Variants in STK35 observed in about 807,000 individuals in gnomAD.
The protein encoded by STK35 is serine/threonine-protein kinase 35.
STK35 carries 17 observed loss-of-function variants against 37.3 expected under a neutral mutation model. The ratio of observed to expected loss-of-function variants is 0.46; its 90% confidence interval spans 0.31 to 0.68. The LOEUF is 0.68. Among genes scored for constraint, STK35 ranks in the 30% least tolerant of loss-of-function variants. The probability of loss-of-function intolerance (pLI) is 0.05; values close to 1 mark genes in which losing one functional copy is unlikely to be tolerated. For synonymous variants in STK35, 385 were observed against 319.1 expected (o/e 1.21, Z -2.20); for missense variants, 595 against 746.7 (o/e 0.80, Z 2.37).
chr20:2,115,897 C>T (rs192355301), intron 2 of STK35, among the ~76,000 whole-genome samples: 1 of 152,000 alleles, frequency 6.6e-6, no homozygotes, highest in East Asian at 1.9e-4. Context: ...CCACTCCTGC[C>T]CCCCCCTTCA....
At chr20:2,126,790 A>G (rs1985914128) in intron 3 of STK35, among the ~76,000 whole-genome samples, 1 of 152,224 alleles carries the variant, frequency 6.6e-6, no homozygotes, top group African/African-American at 2.4e-5. Flanking sequence ...TGAATTTCCC[A>G]ACTTTTAAAG....
chr20:2,141,334 C>G (rs1250139405), intron 3 of STK35, among the ~76,000 whole-genome samples: 1 of 152,172 alleles, frequency 6.6e-6, no homozygotes, highest in Non-Finnish European at 1.5e-5. Context: ...GGAACAGAAG[C>G]AGCAGAGTGA....
intron 1 of STK35, among the ~76,000 whole-genome samples, 186 bp from the exon 2 acceptor site, chr20:2,102,582 T>C (rs928997760): frequency 2.0e-5 from 3 of 152,258 alleles, no homozygotes; most frequent in African/African-American, 7.2e-5. Context: ...GTTCCCCCTC[T>C]GAGCTGCTGC....
In STK35 at chr20:2,102,435, C is replaced by A. The variant is rs562454714; in HGVS notation, c.294+260C>A. On this transcript the variant is annotated intron_variant, in intron 1 of 3. Coordinates refer to ENST00000381482, the MANE Select transcript of STK35 (RefSeq NM_080836.4). ...GAGGAGCGTCACAGAGGGGGCCAAG[C>A]AAAGAAAAATATTTCCGCCGGCCAA... Among the ~76,000 whole-genome samples, 7 of 152,308 alleles carry A rather than the reference C, an allele frequency of 4.6e-5. No homozygotes were observed. In the East Asian group the frequency reaches 1.4e-3, roughly 29 times the overall value.
At chr20:2,125,304 G>T (rs1255905987) in intron 3 of STK35, among the ~76,000 whole-genome samples, 2 of 152,224 alleles carry the variant, frequency 1.3e-5, no homozygotes, top group East Asian at 1.9e-4. Context: ...ACTTGTGCAG[G>T]GCAGAGACCC....
In STK35 at chr20:2,102,133, AG is replaced by A; in HGVS notation, c.258del (p.Lys87AsnfsTer78). The stretch of plus-strand genomic sequence containing the variant: ...CGGACCATCCCCAGGCAGGGGCTCC[AG>A]GGGGGAAACGGGCCGCCCGGAAGTG... ...GADHPQAGAPGGKRAARKWRC... is the reference protein window; with the variant it reads ...GADHPQAGAPXGKRAARKWRC... On this transcript the variant is annotated frameshift_variant, in exon 1 of 4. Coordinates refer to ENST00000381482, the MANE Select transcript of STK35 (RefSeq NM_080836.4). LOFTEE classifies it high-confidence loss of function. 2.1e-6 allele frequency: 3 copies of A among 1,401,064 alleles called. No homozygotes were observed. Among genetic ancestry groups the A allele is most frequent in the South Asian group, 1.5e-5 (1 of 68,672 alleles). 86.8% of individuals were successfully genotyped at this position (1,401,064 alleles called of 1,614,324 possible). A position where few individuals can be genotyped will look rare whatever the true frequency, so the allele number is the denominator to read the frequency against.
chr20:2,102,234 C>G, intron 1 of STK35, 59 bp downstream of exon 1: 2 of 1,380,562 alleles, frequency 1.4e-6, no homozygotes, highest in Non-Finnish European at 1.9e-6. Context: ...CTGCCACTGC[C>G]TCCGCGCTTG....
At chr20:2,132,485 G>A (rs1986016899) in intron 3 of STK35, among the ~76,000 whole-genome samples, 1 of 152,248 alleles carries the variant, frequency 6.6e-6, no homozygotes, top group Non-Finnish European at 1.5e-5. Context: ...ATGCCAGCCT[G>A]AGGAGAATGA....
chr20:2,140,914 G>A (rs1986162082), intron 3 of STK35, among the ~76,000 whole-genome samples: 1 of 152,174 alleles, frequency 6.6e-6, no homozygotes, highest in Admixed American at 6.5e-5. Context: ...CTGCCTCCTT[G>A]CCAACACTGC....
At chr20:2,114,516 G>T (rs1184196725) in intron 2 of STK35, among the ~76,000 whole-genome samples, 1 of 152,086 alleles carries the variant, frequency 6.6e-6, no homozygotes, top group East Asian at 1.9e-4. Context: ...CATACCCACT[G>T]TTACTGGGTG....
chr20:2,102,465 C>T (rs544692342), intron 1 of STK35, among the ~76,000 whole-genome samples: 4 of 152,364 alleles, frequency 2.6e-5, no homozygotes, highest in African/African-American at 9.6e-5. Flanking sequence ...GGCCAAATCG[C>T]GTCTCTAAGC....
At chr20:2,109,744 T>C (rs1985582889) in intron 2 of STK35, among the ~76,000 whole-genome samples, 1 of 152,242 alleles carries the variant, frequency 6.6e-6, no homozygotes, top group African/African-American at 2.4e-5. Context: ...TATGTCACAG[T>C]TAAGCCTTAG....
intron 3 of STK35, among the ~76,000 whole-genome samples, chr20:2,124,538 C>G (rs1231861393): frequency 1.3e-5 from 2 of 152,128 alleles, no homozygotes; most frequent in Non-Finnish European, 2.9e-5. Flanking sequence ...GGTGGTATCT[C>G]TTGATGATGA....
At chr20:2,133,920 C>T (rs1986040712) in intron 3 of STK35, among the ~76,000 whole-genome samples, 1 of 152,182 alleles carries the variant, frequency 6.6e-6, no homozygotes, top group Admixed American at 6.5e-5. Context: ...CGGCTTTAAG[C>T]TTTGTTCAGA....
intron 3 of STK35, among the ~76,000 whole-genome samples, chr20:2,122,370 C>T (rs1002945113): frequency 1.3e-5 from 2 of 152,164 alleles, no homozygotes; most frequent in African/African-American, 2.4e-5. Context: ...AGTAAACACA[C>T]TTGACCCCTA....
intron 2 of STK35, among the ~76,000 whole-genome samples, chr20:2,105,817 T>A (rs1985504992): frequency 6.6e-6 from 1 of 152,226 alleles, no homozygotes; most frequent in South Asian, 2.1e-4. Flanking sequence ...CACACCTTGT[T>A]TTCTGTGTTG....
chr20:2,127,431 A>G (rs1385201038), intron 3 of STK35, among the ~76,000 whole-genome samples: 1 of 152,100 alleles, frequency 6.6e-6, no homozygotes, highest in Admixed American at 6.5e-5. Flanking sequence ...AGAGAACTAG[A>G]AGTCACAAGT....
chr20:2,135,103 A>G (rs1329521277), intron 3 of STK35, among the ~76,000 whole-genome samples: 5 of 152,084 alleles, frequency 3.3e-5, no homozygotes, highest in African/African-American at 1.2e-4. Context: ...GGTTTCCCAC[A>G]TTTACTCTTA....
chr20:2,106,848 T>TA (rs1388722335), intron 2 of STK35, among the ~76,000 whole-genome samples: 1 of 152,166 alleles, frequency 6.6e-6, no homozygotes, highest in East Asian at 1.9e-4. Flanking sequence ...TTCGGAGGAA[T>TA]AGAAAGAGGT....
Sources: gnomAD v4.1 joint callset for allele counts (sites outside exome capture counted in the v4.1 genomes callset) on GRCh38, gnomAD v4.1.1 for gene constraint, MANE v1.5 for transcripts, NCBI Gene and HGNC (gene_info 2026-07-23, HGNC 2026-07-21) for gene names.